Variants in ELF1 observed in about 807,000 individuals in gnomAD.
ELF1 encodes E74 like ETS transcription factor 1.
In ELF1, 24 loss-of-function variants were observed where a neutral mutation model predicts 59.9. The observed-to-expected ratio is 0.40, with a 90% CI of 0.29 to 0.56. The LOEUF is 0.56. ELF1 is among the 20% of genes least tolerant of loss of function. ELF1 has a pLI of 0.44. For synonymous variants in ELF1, 248 were observed against 266.2 expected (o/e 0.93, Z 0.67); for missense variants, 627 against 742.2 (o/e 0.84, Z 1.80).
chr13:40,997,158 T>C (rs1262358907), intron 1 of ELF1, among the ~76,000 whole-genome samples: 3 of 152,232 alleles, frequency 2.0e-5, no homozygotes. Flanking sequence ...GACTTTATGA[T>C]TCCTTGTGCA....
chr13:40,977,072 A>C (rs1278969785), intron 2 of ELF1, among the ~76,000 whole-genome samples: 2 of 152,222 alleles, frequency 1.3e-5, no homozygotes, highest in Non-Finnish European at 2.9e-5. Context: ...TGACTGAAAA[A>C]AAAATACAGT....
Position 40,981,834 on chromosome 13 carries a change from T to C in ELF1, c.72+149A>G, listed in dbSNP as rs142373295. 6.3e-4 allele frequency: 553 copies of C among 883,004 alleles called. 1 individual carries two copies. The highest frequency in any genetic ancestry group is 8.1e-4 in the Non-Finnish European group (497 of 614,166). 54.7% of individuals were successfully genotyped at this position (883,004 alleles called of 1,614,324 possible). A position where few individuals can be genotyped will look rare whatever the true frequency, so the allele number is the denominator to read the frequency against. The stretch of plus-strand genomic sequence containing the variant: ...CATGAATTAACTGGTGCTTAAAACA[T>C]AGTATAATATTTCCTCCAAATATTT... On this transcript the variant is annotated intron_variant, in intron 2 of 8. Coordinates refer to ENST00000239882, the MANE Select transcript of ELF1 (RefSeq NM_172373.4).
At chr13:41,007,814 T>C (rs1345658324) in intron 1 of ELF1, among the ~76,000 whole-genome samples, 1 of 152,236 alleles carries the variant, frequency 6.6e-6, no homozygotes, top group East Asian at 1.9e-4. Context: ...AATGTAATCC[T>C]CAGACCCACA....
chr13:41,031,349 T>C (rs991249556), intron 1 of ELF1, among the ~76,000 whole-genome samples: 1 of 152,166 alleles, frequency 6.6e-6, no homozygotes, highest in East Asian at 1.9e-4. Context: ...GGACAAGTTA[T>C]TTCACACTAC....
At chr13:41,060,758 C>CA (rs1254431363) in intron 1 of ELF1, 1 of 167,710 alleles carries the variant, frequency 6.0e-6, no homozygotes, top group African/African-American at 2.4e-5. Context: ...GGGAGTCGAA[C>CA]CCGGGCCACC....
chr13:40,986,145 T>C (rs1285293306), intron 1 of ELF1, among the ~76,000 whole-genome samples: 1 of 152,160 alleles, frequency 6.6e-6, no homozygotes, highest in Non-Finnish European at 1.5e-5. Context: ...AAAATAAGCT[T>C]TGGAGTTAAA....
At chr13:41,037,832 T>C (rs779600113) in intron 1 of ELF1, among the ~76,000 whole-genome samples, 41 of 151,968 alleles carry the variant, frequency 2.7e-4, no homozygotes, top group Non-Finnish European at 5.2e-4. Flanking sequence ...AGAAATTAGT[T>C]TGAACATCCT....
In ELF1 at chr13:40,992,863, A is replaced by T. The variant is rs527439894; in HGVS notation, c.-228-10581T>A. 804 of 573,024 alleles carry T rather than the reference A, an allele frequency of 1.4e-3. 3 individuals carry two copies. Among genetic ancestry groups the T allele is most frequent in the Non-Finnish European group, 2.2e-3 (717 of 322,170 alleles). The allele number at this position is 573,024 out of a possible 1,614,324, so 35.5% of individuals were successfully genotyped here. A position where few individuals can be genotyped will look rare whatever the true frequency, so the allele number is the denominator to read the frequency against. On this transcript the variant is annotated intron_variant, in intron 1 of 8. Transcript: ENST00000239882. ...CACCTCTCTAACTCAAGAATTCTCT[A>T]GCTCGAGAATCAAGACTGACCTCTT...
Position 40,940,966 on chromosome 13 carries a change from C to T in ELF1, c.1211G>A (p.Ser404Asn), listed in dbSNP as rs1194450704. Residue 404 changes from serine (S) to asparagine (N), a missense_variant, in exon 8 of 9, where the codon AGT becomes AAT. By Grantham distance (46) the Ser-to-Asn change is conservative. Coordinates refer to ENST00000239882, the MANE Select transcript of ELF1 (RefSeq NM_172373.4). ...ATTTAATGTTTCATCCTGCATGGTA[C>T]TGGTTCTAGCTGCTTCTCCCTCTGG... ...AVPEGEAART[S>N]TMQDETLNSS... 5.0e-6 allele frequency: 8 copies of T among 1,614,140 alleles called. No homozygotes were observed. The highest frequency in any genetic ancestry group is 6.8e-6 in the Non-Finnish European group (8 of 1,180,014).
chr13:40,951,278 G>C (rs774465118), intron 4 of ELF1, 51 bp downstream of exon 4: 1 of 1,372,728 alleles, frequency 7.3e-7, no homozygotes, highest in Non-Finnish European at 1.0e-6. Flanking sequence ...AAGAAAGATG[G>C]CAAGAGTAAC....
rs906483883 is a variant in ELF1 at position 41,060,762 on chromosome 13, G to A, written c.-229+76C>T. Reference sequence around the variant, plus strand: ...GTTCCCATACCGGGAGTCGAACCCGGGCCACCTGGGTGAAAACCAGGAATC... The same window carrying A: ...GTTCCCATACCGGGAGTCGAACCCGAGCCACCTGGGTGAAAACCAGGAATC... On this transcript the variant is annotated intron_variant, in intron 1 of 1. Coordinates refer to the ELF1 transcript ENST00000405737. The A allele has an allele frequency of 3.6e-5, 6 of 167,534 alleles. 1 individual carries two copies. Among genetic ancestry groups the A allele is most frequent in the South Asian group, 1.5e-4 (1 of 6,698 alleles). The allele number at this position is 167,534 out of a possible 1,614,324, so 10.4% of individuals were successfully genotyped here. A position where few individuals can be genotyped will look rare whatever the true frequency, so the allele number is the denominator to read the frequency against.
At chr13:40,961,476 C>T (rs1871815927) in intron 2 of ELF1, among the ~76,000 whole-genome samples, 1 of 152,032 alleles carries the variant, frequency 6.6e-6, no homozygotes, top group Admixed American at 6.6e-5. Context: ...GGCTTGAGCC[C>T]AGGAGTTCAA....
intron 8 of ELF1, 96 bp downstream of exon 8, chr13:40,940,822 ACTT>A: frequency 7.5e-7 from 1 of 1,326,210 alleles, no homozygotes; most frequent in South Asian, 1.5e-5. Context: ...AAACCTTTAT[ACTT>A]TTATTTTCAT....
At chr13:41,061,089 A>G (rs1189385459) in exon 1 of ELF1, 1 of 194,110 alleles carries the variant, frequency 5.2e-6, no homozygotes, top group African/African-American at 2.3e-5. Context: ...CCGGTCCCGC[A>G]GTTTCACCTC....
In ELF1 at chr13:40,933,541, T is replaced by C. The variant is rs1037748924; in HGVS notation, c.1744A>G (p.Thr582Ala). 3.7e-6 allele frequency: 6 copies of C among 1,614,252 alleles called. No individual in the cohort carries two copies. Among genetic ancestry groups the C allele is most frequent in the Non-Finnish European group, 5.1e-6 (6 of 1,180,048 alleles). The change falls in exon 9 of 9, where the codon ACT becomes GCT. Residue 582 changes from threonine to alanine, a missense_variant. This residue lies in a region of ELF1 where 361 missense variants were observed against 396.1 expected (regional missense o/e 0.91). Transcript: ENST00000239882. ...TGTGGCTGCTGCTCCGTTTTCTCAG[T>C]GTTCTCTTTCAAATGATCTTCAGAT... The part of the protein sequence containing the change: ...KESEDHLKEN[T>A]EKTEQQPQPY...
intron 2 of ELF1, among the ~76,000 whole-genome samples, chr13:40,976,634 C>T (rs1220353887): frequency 2.6e-5 from 4 of 152,268 alleles, no homozygotes; most frequent in South Asian, 2.1e-4. Flanking sequence ...CTCCACCTAC[C>T]GGGTTCAAGC....
chr13:41,053,423 T>G (rs1212204301), intron 1 of ELF1, among the ~76,000 whole-genome samples: 1 of 152,194 alleles, frequency 6.6e-6, no homozygotes, highest in Non-Finnish European at 1.5e-5. Context: ...CGTAAGGTCC[T>G]TATGGTAAAG....
At chr13:40,946,058 C>T (rs1257224051) in intron 5 of ELF1, among the ~76,000 whole-genome samples, 2 of 152,194 alleles carry the variant, frequency 1.3e-5, no homozygotes, top group East Asian at 1.9e-4. Flanking sequence ...ATGTTGCTCT[C>T]GAATTTCCGA....
intron 3 of ELF1, 42 bp from the exon 4 acceptor site, chr13:40,951,478 A>C: frequency 7.3e-6 from 11 of 1,515,668 alleles, no homozygotes; most frequent in South Asian, 1.1e-5. Flanking sequence ...ACTACGAGAC[A>C]TCTGTTACTC....
Sources: gnomAD v4.1 joint callset for allele counts (sites outside exome capture counted in the v4.1 genomes callset) on GRCh38, gnomAD v4.1.1 for gene constraint, gnomAD v4.1.1 regional missense constraint, MANE v1.5 for transcripts, NCBI Gene and HGNC (gene_info 2026-07-23, HGNC 2026-07-21) for gene names.